AZI2: variants seen among roughly 807,000 people sequenced by gnomAD.
The protein encoded by AZI2 is 5-azacytidine-induced protein 2.
Under a neutral mutation model 45.8 loss-of-function variants are expected in AZI2, and 22 were observed. That is an observed-to-expected ratio of 0.48 (90% CI 0.34 to 0.69). The LOEUF (loss-of-function observed/expected upper bound fraction) is 0.69, where lower values mean the gene tolerates loss of function less well. AZI2 is among the 30% of genes least tolerant of loss of function. The pLI is 0.01. For missense variants in AZI2, 417 were observed against 441.5 expected (o/e 0.94, Z 0.50); for synonymous variants, 137 against 156.7 (o/e 0.87, Z 0.94).
intron 1 of AZI2, 24 bp downstream of exon 1, chr3:28,348,577 A>C (rs1577151243): frequency 1.3e-5 from 2 of 152,658 alleles, no homozygotes; most frequent in African/African-American, 4.8e-5. Flanking sequence ...CCTATCCTCC[A>C]CCCGTCCCTG....
intron 5 of AZI2, 60 bp from the exon 6 acceptor site, chr3:28,332,487 T>TC: frequency 7.2e-7 from 1 of 1,383,472 alleles, no homozygotes; most frequent in Non-Finnish European, 1.0e-6. Flanking sequence ...TTATTTAGTC[T>TC]CAGCTCTTTC....
chr3:28,326,462 A>C, intron 7 of AZI2: 1 of 194,946 alleles, frequency 5.1e-6, no homozygotes, highest in Middle Eastern at 2.1e-3. Context: ...ATTCTGTAGC[A>C]CTGGAATGAA....
intron 7 of AZI2, 69 bp downstream of exon 7, chr3:28,326,763 G>T: frequency 8.9e-7 from 1 of 1,118,360 alleles, no homozygotes; most frequent in Non-Finnish European, 1.4e-6. Context: ...ATTTTGATAA[G>T]ATATGACAGC....
intron 2 of AZI2, among the ~76,000 whole-genome samples, chr3:28,339,633 T>C (rs1312684625): frequency 6.6e-6 from 1 of 152,170 alleles, no homozygotes; most frequent in Non-Finnish European, 1.5e-5. Flanking sequence ...GTTTTTTTTA[T>C]ATAGGATAAT....
chr3:28,340,742 G>C (rs988466897), intron 1 of AZI2, 120 bp from the exon 2 acceptor site: 47 of 762,400 alleles, frequency 6.2e-5, no homozygotes, highest in Non-Finnish European at 9.2e-5. Flanking sequence ...AGACTGCCTG[G>C]GTTGTATTCT....
intron 1 of AZI2, among the ~76,000 whole-genome samples, chr3:28,343,758 T>G (rs747957959): frequency 6.6e-6 from 1 of 151,974 alleles, no homozygotes; most frequent in Admixed American, 6.6e-5. Flanking sequence ...GCTATTAATA[T>G]TTTCCCCTCT....
At chr3:28,332,616 G>A (rs761501296) in intron 5 of AZI2, among the ~76,000 whole-genome samples, 189 bp from the exon 6 acceptor site, 4 of 151,448 alleles carry the variant, frequency 2.6e-5, no homozygotes, top group African/African-American at 4.8e-5. Flanking sequence ...TCTAAATCAC[G>A]TCCAATGGTT....
Position 28,324,223 on chromosome 3 carries a change from A to C in AZI2, c.998T>G (p.Phe333Cys). The stretch of plus-strand genomic sequence containing the variant: ...TCTGCCATAAGAACTGTGTTCCTGA[A>C]AGCATGTACCATCATTAGGAATGGA... Reference protein sequence around the residue: ...ERSIPNDGTCFQEHSSYGRNS... With the variant: ...ERSIPNDGTCCQEHSSYGRNS... Residue 333 changes from phenylalanine (F) to cysteine (C), a missense_variant, in exon 8 of 8, where the codon TTT (phenylalanine) becomes TGT (cysteine). Transcript: ENST00000479665. 6.2e-7 allele frequency: 1 copy of C among 1,610,488 alleles called. No individual in the cohort carries two copies. The highest frequency in any genetic ancestry group is 1.1e-5 in the South Asian group (1 of 90,962).
intron 5 of AZI2, among the ~76,000 whole-genome samples, chr3:28,336,280 A>G (rs1460793303): frequency 6.6e-6 from 1 of 152,028 alleles, no homozygotes; most frequent in Non-Finnish European, 1.5e-5. Flanking sequence ...GAAAATAAGT[A>G]AGCTCTGTCA....
rs571863859 is a variant in AZI2 at position 28,324,127 on chromosome 3, G to A, written c.1094C>T (p.Thr365Ile). The A allele has an allele frequency of 2.5e-6, 4 of 1,610,374 alleles. No homozygotes were observed. In the East Asian group the frequency reaches 8.9e-5, roughly 36 times the overall value. ...GGGTAAAGGCAAAGTTTTAGTTTTAGTTTCCCCAAATGCTGTCTCACTTGA... is the reference window on the plus strand; with the variant it reads ...GGGTAAAGGCAAAGTTTTAGTTTTAATTTCCCCAAATGCTGTCTCACTTGA... ...PKSSETAFGETKTKTLPLPNL... is the reference protein window; with the variant it reads ...PKSSETAFGEIKTKTLPLPNL... Residue 365 changes from threonine (T) to isoleucine (I), a missense_variant, in exon 8 of 8, where the codon ACT becomes ATT. Transcript: ENST00000479665.
chr3:28,332,278 A>T, intron 6 of AZI2, 91 bp downstream of exon 6: 2 of 1,148,648 alleles, frequency 1.7e-6, no homozygotes, highest in Admixed American at 2.2e-5. Flanking sequence ...TTTGTTTTTA[A>T]GGTTAAGTCA....
rs1703173503 is a variant in AZI2, at chr3:28,321,082, A to G, written c.*2960T>C. 1 of 151,408 alleles carries G rather than the reference A, an allele frequency of 6.6e-6. No homozygotes were observed. 9.4% of individuals were successfully genotyped at this position (151,408 alleles called of 1,614,324 possible). ...AGTGAACCACTCAAAAAACTATTTT[A>G]CTTTTATTTGAAATACAAAGAAACC... is the stretch of plus-strand genomic sequence containing the variant. On this transcript the variant is annotated 3_prime_UTR_variant, in exon 8 of 8. Coordinates refer to ENST00000479665, the MANE Select transcript of AZI2 (RefSeq NM_022461.5).
rs766146944 is a variant in AZI2 at position 28,324,404 on chromosome 3, G to A, written c.817C>T (p.Leu273=). 8.4e-6 allele frequency: 13 copies of A among 1,545,182 alleles called. No individual in the cohort carries two copies. In the South Asian group the frequency reaches 1.4e-4, roughly 16 times the overall value. The change falls in exon 8 of 8, where the codon CTG becomes TTG. Residue 273 remains leucine (L), a synonymous_variant. Transcript: ENST00000479665. ...SEDLGRDSTK[L]HLMNFTATYT... is the part of the protein sequence containing the mutation. The stretch of plus-strand genomic sequence containing the variant: ...GTTGCAGTAAAATTCATCAAGTGCA[G>A]TTTTGTGCTGTCTCTTCCAAGGTCT...
At position 28,324,374 on chromosome 3, in the gene AZI2, TG is replaced by T; in HGVS notation, c.846del (p.Tyr282Ter). 6.3e-7 allele frequency: 1 copy of T among 1,576,508 alleles called. No homozygotes were observed. The highest frequency in any genetic ancestry group is 8.6e-7 in the Non-Finnish European group (1 of 1,160,900). On this transcript the variant is annotated frameshift_variant, in exon 8 of 8. Transcript: ENST00000479665. LOFTEE classifies it high-confidence loss of function. ...KLHLMNFTATYTRHPPLLPNG... is the reference protein window; with the variant it reads ...KLHLMNFTATXTRHPPLLPNG... ...TTTGGTAAGAGAGGGGGATGTCTTG[TG>T]TATGTTGCAGTAAAATTCATCAAGT...
chr3:28,339,633 T>A (rs1312684625), intron 2 of AZI2, among the ~76,000 whole-genome samples: 1 of 152,170 alleles, frequency 6.6e-6, no homozygotes, highest in Non-Finnish European at 1.5e-5. Context: ...GTTTTTTTTA[T>A]ATAGGATAAT....
chr3:28,342,060 T>C (rs903608021), intron 1 of AZI2, among the ~76,000 whole-genome samples: 1 of 152,128 alleles, frequency 6.6e-6, no homozygotes, highest in African/African-American at 2.4e-5. Flanking sequence ...CTAATCCCTT[T>C]AACATTTCTT....
intron 6 of AZI2, among the ~76,000 whole-genome samples, chr3:28,327,581 T>C (rs1378022853): frequency 6.6e-6 from 1 of 151,070 alleles, no homozygotes; most frequent in South Asian, 2.1e-4. Context: ...GGGAAGATTA[T>C]ATGAAACAGA....
At chr3:28,325,593 G>A (rs535689464) in intron 7 of AZI2, among the ~76,000 whole-genome samples, 16 of 150,984 alleles carry the variant, frequency 1.1e-4, no homozygotes, top group Non-Finnish European at 2.2e-4. Context: ...CCAAAGCACC[G>A]AAAAATATTA....
At chr3:28,330,993 C>G in intron 6 of AZI2, among the ~76,000 whole-genome samples, 1 of 151,378 alleles carries the variant, frequency 6.6e-6, no homozygotes, top group Non-Finnish European at 1.5e-5. Context: ...TGGGACTCAA[C>G]TTTCCCCAAA....
Sources: gnomAD v4.1 joint callset for allele counts (sites outside exome capture counted in the v4.1 genomes callset) on GRCh38, gnomAD v4.1.1 for gene constraint, MANE v1.5 for transcripts, NCBI Gene and HGNC (gene_info 2026-07-23, HGNC 2026-07-21) for gene names.